The following EPM2A variants were observed in gnomAD, a reference collection of about 807,000 sequenced individuals.
The protein encoded by EPM2A is EPM2A glucan phosphatase, laforin, also known as laforin.
EPM2A carries 21 observed loss-of-function variants against 26.5 expected under a neutral mutation model. The ratio of observed to expected loss-of-function variants is 0.79; its 90% CI spans 0.56 to 1.14. The LOEUF (loss-of-function observed/expected upper bound fraction) is 1.14. Among genes scored for constraint, EPM2A ranks in the 50% most tolerant of loss-of-function variants. The pLI is 0.00. For missense variants in EPM2A, 458 were observed against 440.8 expected (o/e 1.04, Z -0.35); for synonymous variants, 217 against 177.6 (o/e 1.22, Z -1.76).
chr6:145,454,403 C>T (rs1779234463), intron 4 of EPM2A, among the ~76,000 whole-genome samples: 2 of 152,122 alleles, frequency 1.3e-5, no homozygotes, highest in South Asian at 4.1e-4. Flanking sequence ...GATGACTACC[C>T]ATCTCTAGTT....
At chr6:145,707,965 G>A (rs1321829514) in intron 1 of EPM2A, among the ~76,000 whole-genome samples, 2 of 152,170 alleles carry the variant, frequency 1.3e-5, no homozygotes, top group East Asian at 3.9e-4. Flanking sequence ...TGACCAAAAT[G>A]CTCATAGTGA....
chr6:145,401,343 T>C (rs1161294275), intron 4 of EPM2A, among the ~76,000 whole-genome samples: 3 of 152,148 alleles, frequency 2.0e-5, no homozygotes, highest in Non-Finnish European at 4.4e-5. Context: ...ATCTGTGATC[T>C]CTCTGTTAAG....
At chr6:145,438,814 T>C (rs1165069753) in intron 4 of EPM2A, among the ~76,000 whole-genome samples, 1 of 152,162 alleles carries the variant, frequency 6.6e-6, no homozygotes, top group Non-Finnish European at 1.5e-5. Context: ...TATTTTAGGT[T>C]CAGGGGCACA....
At chr6:145,622,445 C>G (rs1775657343), downstream of EPM2A, among the ~76,000 whole-genome samples, 2 of 152,170 alleles carry the variant, frequency 1.3e-5, no homozygotes, top group Admixed American at 1.3e-4. Flanking sequence ...ATGTTGAAGT[C>G]ATAACCTCCA....
chr6:145,509,188 GTC>G (rs1203017046), intron 2 of EPM2A, among the ~76,000 whole-genome samples: 1 of 152,138 alleles, frequency 6.6e-6, no homozygotes, highest in African/African-American at 2.4e-5. Flanking sequence ...TCAGGAAAAT[GTC>G]TCTAATCTGG....
chr6:145,583,076 G>A (rs1781137187), intron 2 of EPM2A, among the ~76,000 whole-genome samples: 1 of 152,026 alleles, frequency 6.6e-6, no homozygotes, highest in Non-Finnish European at 1.5e-5. Flanking sequence ...GTATTTTTTA[G>A]ATCTTTGGAT....
rs1023135352 is a variant in EPM2A at position 145,683,387 on chromosome 6, T to A, written c.476+2735A>T. Reference sequence around the variant, plus strand: ...ATTTATTATTTTAATATATAAAGTATTATATAGTATACATACATTTTAATA... The same window carrying A: ...ATTTATTATTTTAATATATAAAGTAATATATAGTATACATACATTTTAATA... On this transcript the variant is annotated intron_variant, in intron 2 of 3. Transcript: ENST00000367519. Among the ~76,000 whole-genome samples, 69 of 149,182 alleles carry A rather than the reference T, an allele frequency of 4.6e-4. 1 individual carries two copies. The highest frequency in any genetic ancestry group is 1.9e-4 in the Non-Finnish European group (13 of 67,420).
At position 145,538,061 on chromosome 6, in the gene EPM2A, A is replaced by G. The variant is rs1780457409; in HGVS notation, c.341-35486T>C. On this transcript the variant is annotated intron_variant, in intron 2 of 3. Coordinates refer to the EPM2A transcript ENST00000450221. Reference sequence around the variant, plus strand: ...TATTGTAAATAGTGCTGCAATAAATATATGTCTGCATGTGTCTTTATAGAA... The same window carrying G: ...TATTGTAAATAGTGCTGCAATAAATGTATGTCTGCATGTGTCTTTATAGAA... Among the ~76,000 whole-genome samples the G allele has an allele frequency of 1.3e-5, 2 of 152,198 alleles. 1 individual carries two copies. The highest frequency in any genetic ancestry group is 4.1e-4 in the South Asian group (2 of 4,826).
chr6:145,386,310 T>C (rs1304197198), intron 4 of EPM2A, among the ~76,000 whole-genome samples: 1 of 152,136 alleles, frequency 6.6e-6, no homozygotes, highest in Non-Finnish European at 1.5e-5. Context: ...ATGGACACTA[T>C]TGATTTTTAG....
intron 2 of EPM2A, among the ~76,000 whole-genome samples, chr6:145,592,805 G>A (rs1781292867): frequency 6.6e-6 from 1 of 151,786 alleles, no homozygotes; most frequent in South Asian, 2.1e-4. Context: ...GAAGCATAAT[G>A]ATACATTAAG....
At chr6:145,735,715 C>T, upstream of EPM2A, 3 of 920,604 alleles carry the variant, frequency 3.3e-6, no homozygotes, top group Non-Finnish European at 2.7e-6. Flanking sequence ...GAGCCGCTAG[C>T]TGCCTCTTTG....
rs368618860 is a variant in EPM2A, at chr6:145,450,350, CAAAAAAAAAAAAA to C, written c.555+52159_555+52171del. On this transcript the variant is annotated intron_variant, in intron 4 of 4. Coordinates refer to the EPM2A transcript ENST00000638717. ...CCTGGGAGACAGTGAGACTCCGTCTCAAAAAAAAAAAAAAAAAAAAAAGAAACTGAAACCATTG... is the reference window on the plus strand; with the variant it reads ...CCTGGGAGACAGTGAGACTCCGTCTCAAAAAAAAAGAAACTGAAACCATTG... 4.8e-5 allele frequency among the ~76,000 whole-genome samples: 3 copies of C among 62,494 alleles called. No individual in the cohort carries two copies. In the Admixed American group the frequency reaches 5.3e-4, roughly 11 times the overall value. The allele number at this position is 62,494 out of a possible 152,430, so 41.0% of individuals were successfully genotyped here.
At chr6:145,398,902 T>G (rs1778444488) in intron 4 of EPM2A, among the ~76,000 whole-genome samples, 1 of 151,246 alleles carries the variant, frequency 6.6e-6, no homozygotes. Context: ...CCAATGTTCC[T>G]GACATCACCA....
chr6:145,655,000 TGTGA>T (rs1778162801), intron 2 of EPM2A, among the ~76,000 whole-genome samples: 1 of 152,162 alleles, frequency 6.6e-6, no homozygotes, highest in Non-Finnish European at 1.5e-5. Context: ...TATTTACGAT[TGTGA>T]GTGGCTTTTT....
chr6:145,518,576 C>A (rs1780160238), intron 2 of EPM2A, among the ~76,000 whole-genome samples: 1 of 125,574 alleles, frequency 8.0e-6, no homozygotes, highest in Admixed American at 1.0e-4. Flanking sequence ...GGATCAGTTC[C>A]AGATTGTGTG....
chr6:145,443,851 A>G (rs922682997), intron 4 of EPM2A, among the ~76,000 whole-genome samples: 1 of 152,134 alleles, frequency 6.6e-6, no homozygotes. Context: ...GGTTTTAAAA[A>G]CAGGGGTTTC....
intron 1 of EPM2A, among the ~76,000 whole-genome samples, chr6:145,689,335 A>T (rs1781129105): frequency 6.6e-6 from 1 of 152,234 alleles, no homozygotes; most frequent in South Asian, 2.1e-4. Context: ...AGATTTCTGC[A>T]TGGAGAACTA....
At chr6:145,697,179 C>T (rs912346455) in intron 1 of EPM2A, among the ~76,000 whole-genome samples, 3 of 151,962 alleles carry the variant, frequency 2.0e-5, no homozygotes, top group Non-Finnish European at 2.9e-5. Context: ...GGACAGAGTA[C>T]AAAAGAGAGA....
chr6:145,706,057 T>C (rs946513598), intron 1 of EPM2A: 9 of 422,566 alleles, frequency 2.1e-5, no homozygotes, highest in Non-Finnish European at 3.8e-5. Flanking sequence ...ATATTCAAGA[T>C]GCAAATGACT....
Sources: allele counts gnomAD v4.1 joint callset (sites outside exome capture counted in the v4.1 genomes callset), GRCh38; gene constraint gnomAD v4.1.1; transcripts MANE v1.5; gene names NCBI Gene and HGNC (gene_info 2026-07-23, HGNC 2026-07-21).